NAV3: variants seen among roughly 807,000 people sequenced by gnomAD.
The protein encoded by NAV3 is pore membrane and/or filament interacting like protein 1.
A neutral mutation model predicts 244.7 loss-of-function variants in NAV3; 87 were observed. The ratio of observed to expected loss-of-function variants is 0.36; its 90% CI spans 0.30 to 0.42. NAV3 has a LOEUF of 0.42. Among genes scored for constraint, NAV3 ranks in the 20% least tolerant of loss-of-function variants. NAV3 has a pLI of 1.00. For synonymous variants in NAV3, 1,126 were observed against 1,042.2 expected (o/e 1.08, Z -1.55); for missense variants, 2,663 against 2,893.3 (o/e 0.92, Z 1.83).
At chr12:77,967,972 T>C (rs1892660382) in intron 4 of NAV3, among the ~76,000 whole-genome samples, 1 of 152,192 alleles carries the variant, frequency 6.6e-6, no homozygotes, top group African/African-American at 2.4e-5. Context: ...GGAGGATATA[T>C]ACATACATAA....
chr12:77,842,858 A>G lies in NAV3; in HGVS notation c.243+11154A>G, dbSNP rs370313090. ...GTAGATTTAGTTGTGGTATAAGACT[A>G]TTTGTATCCAGGTTTCTCCTTCTCT... On this transcript the variant is annotated intron_variant, in intron 1 of 39. Transcript: ENST00000397909. Among the ~76,000 whole-genome samples, 68 of 152,286 alleles carry G rather than the reference A, an allele frequency of 4.5e-4. 1 individual carries two copies. Among genetic ancestry groups the G allele is most frequent in the Middle Eastern group, 6.8e-3 (2 of 292 alleles).
intron 2 of NAV3, among the ~76,000 whole-genome samples, chr12:77,593,599 G>C (rs1870018372): frequency 6.8e-6 from 1 of 147,702 alleles, no homozygotes; most frequent in Admixed American, 6.7e-5. Context: ...ACAGGTGCGT[G>C]CCACCATGCC....
At chr12:77,910,947 C>A (rs1165678592) in intron 1 of NAV3, among the ~76,000 whole-genome samples, 1 of 152,088 alleles carries the variant, frequency 6.6e-6, no homozygotes, top group Non-Finnish European at 1.5e-5. Flanking sequence ...TCAGTAGAGA[C>A]AAACAACAAT....
At chr12:77,921,721 A>C (rs937050962) in intron 1 of NAV3, among the ~76,000 whole-genome samples, 2 of 152,128 alleles carry the variant, frequency 1.3e-5, no homozygotes, top group African/African-American at 4.8e-5. Context: ...TACTTGGCCA[A>C]ACACCTTGAA....
At chr12:77,835,136 C>G (rs1874405197) in intron 1 of NAV3, among the ~76,000 whole-genome samples, 1 of 152,102 alleles carries the variant, frequency 6.6e-6, no homozygotes, top group African/African-American at 2.4e-5. Flanking sequence ...TGGCTCACAC[C>G]TCATAGTCTT....
chr12:78,177,705 A>G lies in NAV3; in HGVS notation c.5363+20A>G, dbSNP rs371239886. On this transcript the variant is annotated intron_variant, in intron 28 of 39. Coordinates refer to ENST00000397909, the MANE Select transcript of NAV3 (RefSeq NM_001024383.2). ...ATCTCGGTAAAGTGGAGTGCGATGC[A>G]TGAATACTGCAAAGATCCAGGTTCT... 2 of 1,594,632 alleles carry G rather than the reference A, an allele frequency of 1.3e-6. No individual in the cohort carries two copies. The highest frequency in any genetic ancestry group is 1.7e-5 in the Admixed American group (1 of 59,880).
At chr12:78,099,135 A>G (rs894560874) in intron 12 of NAV3, among the ~76,000 whole-genome samples, 1 of 151,694 alleles carries the variant, frequency 6.6e-6, no homozygotes, top group Admixed American at 6.6e-5. Flanking sequence ...CTCAATATAT[A>G]TGTACAAAGT....
chr12:77,686,598 C>G (rs1390663313), intron 2 of NAV3, among the ~76,000 whole-genome samples: 1 of 152,044 alleles, frequency 6.6e-6, no homozygotes, highest in Non-Finnish European at 1.5e-5. Flanking sequence ...ATCCATGACA[C>G]ACAGCATCCA....
intron 2 of NAV3, among the ~76,000 whole-genome samples, chr12:77,644,897 C>A (rs1872552336): frequency 6.6e-6 from 1 of 152,060 alleles, no homozygotes; most frequent in Non-Finnish European, 1.5e-5. Context: ...CAAAGGCATA[C>A]CTGAATAAAT....
At chr12:78,008,087 C>T (rs904022321) in intron 8 of NAV3, among the ~76,000 whole-genome samples, 1 of 152,074 alleles carries the variant, frequency 6.6e-6, no homozygotes, top group Non-Finnish European at 1.5e-5. Context: ...AAATGTTCTT[C>T]AAATGTTATT....
chr12:77,742,006 GT>G (rs1335043775), intron 2 of NAV3, among the ~76,000 whole-genome samples: 1 of 151,848 alleles, frequency 6.6e-6, no homozygotes, highest in Non-Finnish European at 1.5e-5. Flanking sequence ...GCTTCACAAA[GT>G]TTTCTTTGAT....
At chr12:77,793,956 C>T (rs889191599) in intron 2 of NAV3, among the ~76,000 whole-genome samples, 1 of 152,164 alleles carries the variant, frequency 6.6e-6, no homozygotes, top group Non-Finnish European at 1.5e-5. Flanking sequence ...TAAAGCATTC[C>T]TATTTCCCCA....
chr12:77,968,433 T>A, intron 4 of NAV3, 86 bp from the exon 5 acceptor site: 1 of 1,059,420 alleles, frequency 9.4e-7, no homozygotes, highest in Non-Finnish European at 1.4e-6. Flanking sequence ...CTTCATAGAT[T>A]TATTTCAAGA....
chr12:77,730,178 T>C (rs1297778617), intron 2 of NAV3, among the ~76,000 whole-genome samples: 1 of 151,898 alleles, frequency 6.6e-6, no homozygotes, highest in Non-Finnish European at 1.5e-5. Context: ...ATTCCTTTAA[T>C]GTAAGACAAA....
intron 2 of NAV3, among the ~76,000 whole-genome samples, chr12:77,621,396 C>T (rs1489525816): frequency 2.0e-5 from 3 of 151,966 alleles, no homozygotes; most frequent in Admixed American, 2.0e-4. Context: ...ATCTGACACT[C>T]ACTTTGTTGA....
chr12:77,687,572 A>G (rs925164741), intron 2 of NAV3, among the ~76,000 whole-genome samples: 1 of 152,130 alleles, frequency 6.6e-6, no homozygotes, highest in African/African-American at 2.4e-5. Context: ...TCAAGCTTAT[A>G]TCTGCCAGAG....
At chr12:77,802,400 T>C (rs1353090267) in intron 2 of NAV3, among the ~76,000 whole-genome samples, 1 of 152,210 alleles carries the variant, frequency 6.6e-6, no homozygotes, top group East Asian at 1.9e-4. Context: ...TTTAGATGTA[T>C]CATGAATTTC....
chr12:77,986,994 A>G (rs1870629767), intron 5 of NAV3, among the ~76,000 whole-genome samples: 2 of 152,174 alleles, frequency 1.3e-5, no homozygotes, highest in African/African-American at 4.8e-5. Context: ...AAATGATAAT[A>G]TTTGCTTGTA....
intron 12 of NAV3, among the ~76,000 whole-genome samples, chr12:78,097,465 C>G (rs541544053): frequency 6.6e-6 from 1 of 152,154 alleles, no homozygotes; most frequent in Non-Finnish European, 1.5e-5. Flanking sequence ...GCAAACATCT[C>G]TCTAATTCTG....
Sources: gnomAD v4.1 joint callset for allele counts (sites outside exome capture counted in the v4.1 genomes callset) on GRCh38, gnomAD v4.1.1 for gene constraint, MANE v1.5 for transcripts, NCBI Gene and HGNC (gene_info 2026-07-23, HGNC 2026-07-21) for gene names.